ANKEF1: variants seen among roughly 807,000 people sequenced by gnomAD.
ANKEF1 encodes ankyrin repeat and EF-hand domain containing 1.
A neutral mutation model predicts 65.1 loss-of-function variants in ANKEF1; 43 were observed. The observed-to-expected ratio is 0.66, with a 90% CI of 0.52 to 0.85. The LOEUF (loss-of-function observed/expected upper bound fraction) is 0.85, where lower values mean the gene tolerates loss of function less well. ANKEF1 is among the 40% of genes least tolerant of loss of function. ANKEF1 has a pLI of 0.00. For synonymous variants in ANKEF1, 316 were observed against 341.5 expected (o/e 0.93, Z 0.82); for missense variants, 934 against 952.9 (o/e 0.98, Z 0.26).
chr20:10,037,660 C>T (rs900206676), intron 2 of ANKEF1, among the ~76,000 whole-genome samples: 4 of 152,110 alleles, frequency 2.6e-5, no homozygotes, highest in Admixed American at 6.5e-5. Flanking sequence ...AAAGATTTTC[C>T]GTACAAGGAG....
Position 10,043,341 on chromosome 20 carries a change from T to G in ANKEF1, c.546+20T>G. On this transcript the variant is annotated intron_variant, in intron 4 of 10. Coordinates refer to ENST00000378392, the MANE Select transcript of ANKEF1 (RefSeq NM_022096.6). ...AACTCAGTATGGCTATTCTTGTGAT[T>G]ACAAATATTTCTTGTTTCAATTACA... 1 of 1,606,972 alleles carries G rather than the reference T, an allele frequency of 6.2e-7. No individual in the cohort carries two copies. The highest frequency in any genetic ancestry group is 1.1e-5 in the South Asian group (1 of 90,840).
At chr20:10,040,735 T>G (rs1984135828) in intron 3 of ANKEF1, 1 of 152,214 alleles carries the variant, frequency 6.6e-6, no homozygotes, top group Admixed American at 6.5e-5. Context: ...CTTTGTGGCT[T>G]AAGGAGTCAG....
chr20:10,052,875 A>T (rs1432851987), intron 8 of ANKEF1, among the ~76,000 whole-genome samples: 6 of 152,178 alleles, frequency 3.9e-5, no homozygotes, highest in Admixed American at 3.3e-4. Context: ...GTAAAAAAAA[A>T]ACTAAGGAAA....
chr20:10,038,052 T>C (rs73254367), intron 2 of ANKEF1, among the ~76,000 whole-genome samples: 168 of 152,326 alleles, frequency 1.1e-3, no homozygotes, highest in African/African-American at 3.9e-3. Context: ...CCTGGCAAAC[T>C]ATTTTTAATT....
chr20:10,045,354 A>G lies in ANKEF1; in HGVS notation c.697-220A>G, dbSNP rs377757907. Among the ~76,000 whole-genome samples the G allele has an allele frequency of 1.2e-4, 19 of 152,352 alleles. No homozygotes were observed. In the East Asian group the frequency reaches 2.9e-3, roughly 23 times the overall value. ...CTATGTTTGTGCTATACAACACAGT[A>G]CAACACAATGGCCATGTGGCTTTTG... On this transcript the variant is annotated intron_variant, in intron 5 of 10. Transcript: ENST00000378392.
At position 10,055,689 on chromosome 20, in the gene ANKEF1, G is replaced by A. The variant is rs367595736; in HGVS notation, c.*29G>A. 1.9e-6 allele frequency: 3 copies of A among 1,612,054 alleles called. No individual in the cohort carries two copies. In the South Asian group the frequency reaches 3.3e-5, roughly 18 times the overall value. ...ATAGCAGTTATTTCTTGGGGTAAAT[G>A]CTTTGAGGCCCAGGGACCAATCTTT... On this transcript the variant is annotated 3_prime_UTR_variant, in exon 11 of 11. Coordinates refer to ENST00000378392, the MANE Select transcript of ANKEF1 (RefSeq NM_022096.6).
intron 8 of ANKEF1, 81 bp downstream of exon 8, chr20:10,051,970 C>T (rs1698089135): frequency 1.1e-5 from 12 of 1,106,138 alleles, no homozygotes; most frequent in East Asian, 2.6e-5. Context: ...ATTCTATTCT[C>T]GTAGGCTTGC....
At chr20:10,044,915 C>A (rs1984421402) in intron 5 of ANKEF1, among the ~76,000 whole-genome samples, 1 of 152,080 alleles carries the variant, frequency 6.6e-6, no homozygotes, top group Non-Finnish European at 1.5e-5. Flanking sequence ...ACTCTTATCT[C>A]CATGGTGTTT....
chr20:10,049,217 A>G (rs937656932), intron 6 of ANKEF1, among the ~76,000 whole-genome samples, 173 bp from the exon 7 acceptor site: 3 of 152,212 alleles, frequency 2.0e-5, no homozygotes, highest in Non-Finnish European at 4.4e-5. Context: ...AAAAAAAATC[A>G]CAGCTCAATT....
Position 10,043,127 on chromosome 20 carries a change from T to G in ANKEF1, c.352T>G (p.Leu118Val), listed in dbSNP as rs760095258. 5 of 1,614,096 alleles carry G rather than the reference T, an allele frequency of 3.1e-6. No homozygotes were observed. Among genetic ancestry groups the G allele is most frequent in the Non-Finnish European group, 8.5e-7 (1 of 1,179,976 alleles). ...GGGATTTTATTTCTCTGCAGGTGTT[T>G]TGTTTTACTGCATTTTACCGACTAA... is the stretch of plus-strand genomic sequence containing the variant. ...TIVDNEGKGV[L>V]FYCILPTKRH... The change falls in exon 4 of 11, where the codon TTG becomes GTG. Residue 118 changes from leucine (L) to valine (V), a missense_variant. Physicochemically the swap from Leu to Val is conservative, Grantham distance 32. Transcript: ENST00000378392.
intron 2 of ANKEF1, among the ~76,000 whole-genome samples, chr20:10,037,036 A>G (rs1485251041): frequency 6.6e-6 from 1 of 152,118 alleles, no homozygotes; most frequent in Admixed American, 6.5e-5. Flanking sequence ...AGAGAGACAC[A>G]TTTAAAGGAG....
rs371082023 is a variant in ANKEF1 at position 10,055,538 on chromosome 20, A to G, written c.2209A>G (p.Arg737Gly). 3 of 1,613,786 alleles carry G rather than the reference A, an allele frequency of 1.9e-6. No individual in the cohort carries two copies. Among genetic ancestry groups the G allele is most frequent in the Non-Finnish European group, 1.7e-6 (2 of 1,179,802 alleles). The change falls in exon 11 of 11, where the codon AGG becomes GGG. Residue 737 changes from arginine to glycine, a missense_variant. By Grantham distance (125) the Arg-to-Gly change is moderately radical. Coordinates refer to ENST00000378392, the MANE Select transcript of ANKEF1 (RefSeq NM_022096.6). ...SPEATTAELI[R>G]KRELRRERFT... ...TGAAGCCACAACAGCAGAGCTGATCAGGAAGAGGGAACTACGGCGAGAGAG... is the reference window on the plus strand; with the variant it reads ...TGAAGCCACAACAGCAGAGCTGATCGGGAAGAGGGAACTACGGCGAGAGAG...
rs1984763139 is a variant in ANKEF1, at chr20:10,050,095, A to C, written c.1526A>C (p.Lys509Thr). Residue 509 changes from lysine to threonine, a missense_variant, in exon 7 of 11, where the codon AAA becomes ACA. Lys to Thr is a moderately conservative substitution (Grantham distance 78). Transcript: ENST00000378392. The stretch of plus-strand genomic sequence containing the variant: ...AAAGCAGGGGATCTGGCTTCTCTGA[A>C]AAAGGCCTTTGAATCAGGAATACCT... ...ITKAGDLASL[K>T]KAFESGIPVD... is the part of the protein sequence containing the mutation. 1 of 1,614,078 alleles carries C rather than the reference A, an allele frequency of 6.2e-7. No individual in the cohort carries two copies. Among genetic ancestry groups the C allele is most frequent in the African/African-American group, 1.3e-5 (1 of 74,938 alleles).
chr20:10,056,496 T>TGATAGATGATA lies in ANKEF1; in HGVS notation c.*843_*844insGATAGATAGAT, dbSNP rs1555773777. The TGATAGATGATA allele has an allele frequency of 5.6e-5, 8 of 143,826 alleles. No homozygotes were observed. The East Asian group carries it at 1.7e-3, about 30-fold the overall frequency. 8.9% of individuals were successfully genotyped at this position (143,826 alleles called of 1,614,324 possible). On this transcript the variant is annotated 3_prime_UTR_variant, in exon 11 of 11. Coordinates refer to ENST00000378392, the MANE Select transcript of ANKEF1 (RefSeq NM_022096.6). ...GATAGATGATAGATAGATAGATAGA[T>TGATAGATGATA]GATAGATAGATAGATAGATAGATAG...
intron 8 of ANKEF1, among the ~76,000 whole-genome samples, chr20:10,052,253 A>C (rs930524047): frequency 6.6e-6 from 1 of 152,154 alleles, no homozygotes; most frequent in East Asian, 1.9e-4. Context: ...ATAAATACTT[A>C]GTTTCTGTAG....
intron 9 of ANKEF1, among the ~76,000 whole-genome samples, chr20:10,053,556 G>A (rs1356100070): frequency 2.6e-5 from 4 of 152,122 alleles, no homozygotes; most frequent in Non-Finnish European, 5.9e-5. Context: ...ACCAAAACTG[G>A]TGTTGGATTT....
chr20:10,045,562 T>A lies in ANKEF1; in HGVS notation c.697-12T>A. ...TCCTATTCCTCCACAATATCCACTA[T>A]TTATTTTACAGATATTGAAGCTTCT... On this transcript the variant is annotated splice_polypyrimidine_tract_variant and intron_variant, in intron 5 of 10. Coordinates refer to ENST00000378392, the MANE Select transcript of ANKEF1 (RefSeq NM_022096.6). 1 of 1,612,630 alleles carries A rather than the reference T, an allele frequency of 6.2e-7. No individual in the cohort carries two copies. The highest frequency in any genetic ancestry group is 8.5e-7 in the Non-Finnish European group (1 of 1,178,826).
rs367573452 is a variant in ANKEF1 at position 10,044,418 on chromosome 20, G to C, written c.571G>C (p.Glu191Gln). The part of the protein sequence containing the change: ...NSSTGRTALM[E>Q]ASREGVVEIV... ...GTCCACAGGCCGCACAGCTTTAATG[G>C]AAGCGTCAAGAGAAGGGGTAGTGGA... Residue 191 changes from glutamate to glutamine, a missense_variant, in exon 5 of 11, where the codon GAA (glutamate) becomes CAA (glutamine). Transcript: ENST00000378392. 6.2e-7 allele frequency: 1 copy of C among 1,614,092 alleles called. No homozygotes were observed. Among genetic ancestry groups the C allele is most frequent in the African/African-American group, 1.3e-5 (1 of 75,034 alleles).
In ANKEF1 at chr20:10,051,792, C is replaced by T; in HGVS notation, c.1773C>T (p.Asn591=). ...GALIDAASIN[N]STPLNRAIES... ...TAATAGATGCAGCTTCAATCAACAA[C>T]TCAACTCCTTTAAATAGAGCCATTG... The change falls in exon 8 of 11, where the codon AAC becomes AAT. Residue 591 remains asparagine, a synonymous_variant. Coordinates refer to ENST00000378392, the MANE Select transcript of ANKEF1 (RefSeq NM_022096.6). The T allele has an allele frequency of 6.2e-7, 1 of 1,613,770 alleles. No homozygotes were observed. Among genetic ancestry groups the T allele is most frequent in the Non-Finnish European group, 8.5e-7 (1 of 1,179,870 alleles).
Sources: allele counts gnomAD v4.1 joint callset (sites outside exome capture counted in the v4.1 genomes callset), GRCh38; gene constraint gnomAD v4.1.1; transcripts MANE v1.5; gene names NCBI Gene and HGNC (gene_info 2026-07-23, HGNC 2026-07-21).